Variants in THADA observed in about 807,000 individuals in gnomAD.
THADA encodes the protein THADA armadillo repeat containing.
Under a neutral mutation model 219.8 loss-of-function variants are expected in THADA, and 213 were observed. The ratio of observed to expected loss-of-function variants is 0.97; its 90% CI spans 0.87 to 1.09. The LOEUF is 1.09. Among genes scored for constraint, THADA ranks in the 50% least tolerant of loss-of-function variants. THADA has a pLI of 0.00. For missense variants in THADA, 2,956 were observed against 2,311.3 expected, an observed-to-expected ratio of 1.28 and a Z score of -5.72; for synonymous variants, 1,018 against 828.9, an observed-to-expected ratio of 1.23 and a Z score of -3.92.
intron 22 of THADA, among the ~76,000 whole-genome samples, chr2:43,512,547 G>C (rs902711940): frequency 7.9e-5 from 12 of 152,244 alleles, no homozygotes; most frequent in Non-Finnish European, 1.5e-4. Context: ...TTCTTGCCCA[G>C]GTTGGAGTGC....
intron 29 of THADA, among the ~76,000 whole-genome samples, chr2:43,364,174 A>G (rs1669856919): frequency 6.6e-6 from 1 of 152,166 alleles, no homozygotes; most frequent in South Asian, 2.1e-4. Flanking sequence ...CAGTGAGCCG[A>G]GATCTGCTGC....
At chr2:43,248,459 T>C (rs1037265437) in intron 36 of THADA, among the ~76,000 whole-genome samples, 1 of 152,082 alleles carries the variant, frequency 6.6e-6, no homozygotes, top group African/African-American at 2.4e-5. Context: ...CTTGAACTCC[T>C]GACCTCAGGA....
At chr2:43,562,075 T>C (rs953254720) in intron 15 of THADA, 1 of 152,220 alleles carries the variant, frequency 6.6e-6, no homozygotes, top group African/African-American at 2.4e-5. Context: ...GACCCACCCT[T>C]ACATTCCTGG....
At chr2:43,291,215 C>T (rs1202854444) in intron 34 of THADA, among the ~76,000 whole-genome samples, 1 of 151,484 alleles carries the variant, frequency 6.6e-6, no homozygotes, top group East Asian at 1.9e-4. Context: ...TTTGGGAGGC[C>T]GAGGCGGGTG....
intron 28 of THADA, among the ~76,000 whole-genome samples, chr2:43,418,621 T>C (rs1465267643): frequency 2.6e-5 from 4 of 152,148 alleles, no homozygotes; most frequent in Admixed American, 1.3e-4. Context: ...CAATAGAAAG[T>C]TGAACTTGTG....
chr2:43,375,698 G>A (rs924955050), intron 29 of THADA, among the ~76,000 whole-genome samples: 2 of 152,108 alleles, frequency 1.3e-5, no homozygotes, highest in Non-Finnish European at 2.9e-5. Context: ...AAAATCTGTA[G>A]GCCAAAAGAA....
chr2:43,545,532 T>G (rs1574185826), intron 20 of THADA, among the ~76,000 whole-genome samples: 1 of 152,230 alleles, frequency 6.6e-6, no homozygotes, highest in East Asian at 1.9e-4. Flanking sequence ...AAGCTATTGA[T>G]TATTGCCACA....
At chr2:43,544,240 GT>G (rs1232427550) in intron 20 of THADA, among the ~76,000 whole-genome samples, 1 of 152,150 alleles carries the variant, frequency 6.6e-6, no homozygotes, top group Non-Finnish European at 1.5e-5. Context: ...CTATATCTCT[GT>G]TTTGGTACCA....
At chr2:43,465,781 C>G (rs1040458395) in intron 26 of THADA, among the ~76,000 whole-genome samples, 1 of 152,110 alleles carries the variant, frequency 6.6e-6, no homozygotes, top group African/African-American at 2.4e-5. Context: ...TGCTCCAGAC[C>G]CTACATATCT....
intron 31 of THADA, among the ~76,000 whole-genome samples, chr2:43,296,268 C>T (rs1011630577): frequency 1.3e-5 from 2 of 150,882 alleles, no homozygotes; most frequent in African/African-American, 4.9e-5. Context: ...CACCAGGAGG[C>T]ATCTTTTTAT....
intron 26 of THADA, among the ~76,000 whole-genome samples, chr2:43,462,764 G>A (rs189506009): frequency 6.6e-6 from 1 of 152,134 alleles, no homozygotes; most frequent in African/African-American, 2.4e-5. Context: ...CAGTGTTGAG[G>A]GAGAACTCCA....
chr2:43,398,113 G>T lies in THADA; in HGVS notation c.4085C>A (p.Ser1362Tyr), dbSNP rs772880597. 1 of 1,613,998 alleles carries T rather than the reference G, an allele frequency of 6.2e-7. No homozygotes were observed. Among genetic ancestry groups the T allele is most frequent in the Non-Finnish European group, 8.5e-7 (1 of 1,179,844 alleles). The change falls in exon 29 of 38, where the codon TCC (serine) becomes TAC (tyrosine). Residue 1362 changes from serine (S) to tyrosine (Y), a missense_variant. Coordinates refer to ENST00000405975, the MANE Select transcript of THADA (RefSeq NM_022065.5). Reference protein sequence around the residue: ...MRCGHSPVYHSREMAARALVP... With the variant: ...MRCGHSPVYHYREMAARALVP... ...CAAGGCACGAGCTGCCATTTCACGG[G>T]AGTGGTAGACAGGTGAGTGACCACA...
At chr2:43,586,651 G>A in intron 6 of THADA, 51 bp downstream of exon 6, 4 of 1,566,532 alleles carry the variant, frequency 2.6e-6, no homozygotes, top group Non-Finnish European at 3.5e-6. Flanking sequence ...GTTCCAAAAT[G>A]ACTCATACAA....
intron 36 of THADA, among the ~76,000 whole-genome samples, chr2:43,235,903 T>C (rs1572711286): frequency 2.0e-5 from 3 of 151,026 alleles, no homozygotes; most frequent in African/African-American, 7.3e-5. Context: ...GTCTCCCGGG[T>C]TCATGCCATT....
chr2:43,290,431 T>C (rs1476255834), intron 34 of THADA, among the ~76,000 whole-genome samples: 1 of 152,120 alleles, frequency 6.6e-6, no homozygotes, highest in Non-Finnish European at 1.5e-5. Context: ...TCTAAGGAAA[T>C]TGGACCTGCT....
intron 29 of THADA, among the ~76,000 whole-genome samples, chr2:43,358,992 T>C (rs1365979520): frequency 6.6e-6 from 1 of 152,120 alleles, no homozygotes; most frequent in Non-Finnish European, 1.5e-5. Flanking sequence ...GAATGGAGAT[T>C]TGGGTGGTTG....
At chr2:43,362,246 A>G (rs1471461644) in intron 29 of THADA, among the ~76,000 whole-genome samples, 1 of 152,218 alleles carries the variant, frequency 6.6e-6, no homozygotes, top group African/African-American at 2.4e-5. Flanking sequence ...CACATAATGA[A>G]GCATGATGAT....
At chr2:43,501,382 A>G (rs895151273) in intron 24 of THADA, among the ~76,000 whole-genome samples, 2 of 151,012 alleles carry the variant, frequency 1.3e-5, no homozygotes, top group Admixed American at 1.3e-4. Context: ...AATAAATGAC[A>G]TTAAATGATC....
At chr2:43,570,706 C>G (rs1699197915) in intron 13 of THADA, among the ~76,000 whole-genome samples, 196 bp from the exon 14 acceptor site, 1 of 152,212 alleles carries the variant, frequency 6.6e-6, no homozygotes, top group East Asian at 1.9e-4. Flanking sequence ...AAGCAGAATA[C>G]TGTCATTAAA....
Sources: allele counts gnomAD v4.1 joint callset (sites outside exome capture counted in the v4.1 genomes callset), GRCh38; gene constraint gnomAD v4.1.1; transcripts MANE v1.5; gene names NCBI Gene and HGNC (gene_info 2026-07-23, HGNC 2026-07-21).